CSMD2: variants seen among roughly 807,000 people sequenced by gnomAD.
CSMD2 encodes CUB and sushi domain-containing protein 2.
In CSMD2, 130 loss-of-function variants were observed where a neutral mutation model predicts 398.5. The observed-to-expected ratio is 0.33, with a 90% CI of 0.28 to 0.38. CSMD2 has a LOEUF of 0.38. Among genes scored for constraint, CSMD2 ranks in the 10% least tolerant of loss-of-function variants. The pLI is 1.00. For missense variants in CSMD2, 3,829 were observed against 4,764.9 expected (o/e 0.80, Z 5.78); for synonymous variants, 1,828 against 1,908.5 (o/e 0.96, Z 1.10).
chr1:33,755,494 A>T (rs1648859087), intron 13 of CSMD2, among the ~76,000 whole-genome samples: 1 of 152,142 alleles, frequency 6.6e-6, no homozygotes, highest in South Asian at 2.1e-4. Flanking sequence ...AATACTGAGG[A>T]TGCAGTCTAG....
chr1:34,133,626 G>A (rs1038338688), intron 1 of CSMD2, among the ~76,000 whole-genome samples: 1 of 151,576 alleles, frequency 6.6e-6, no homozygotes, highest in Non-Finnish European at 1.5e-5. Context: ...GCAAGACTCT[G>A]TCCAAAAGAA....
intron 3 of CSMD2, among the ~76,000 whole-genome samples, chr1:34,021,043 G>A (rs1431668276): frequency 6.6e-6 from 1 of 152,170 alleles, no homozygotes; most frequent in Non-Finnish European, 1.5e-5. Flanking sequence ...CTCTCCTGCT[G>A]TTAAAATGAA....
intron 25 of CSMD2, among the ~76,000 whole-genome samples, chr1:33,687,984 C>A (rs919741074): frequency 6.6e-6 from 1 of 152,130 alleles, no homozygotes; most frequent in Non-Finnish European, 1.5e-5. Context: ...AGTGATACTG[C>A]GTGGGGTAGC....
At chr1:34,150,075 CTTTCTTTTTTTTTTGT>C (rs1640151706) in intron 1 of CSMD2, among the ~76,000 whole-genome samples, 2 of 119,624 alleles carry the variant, frequency 1.7e-5, no homozygotes, top group Non-Finnish European at 3.6e-5. Context: ...CATTTTTCTT[CTTTCTTTTTTTTTTGT>C]TTTTTTTTGA....
Position 34,057,588 on chromosome 1 carries a change from C to G in CSMD2, c.405-24882G>C, listed in dbSNP as rs745547839. On this transcript the variant is annotated intron_variant, in intron 2 of 70. Coordinates refer to ENST00000373381, the MANE Select transcript of CSMD2 (RefSeq NM_001281956.2). ...CAGAGAGAGGTGGGCAGAGAGGGTCCAGCTGCCAGACTCAGTCCTCCAGCC... is the reference window on the plus strand; with the variant it reads ...CAGAGAGAGGTGGGCAGAGAGGGTCGAGCTGCCAGACTCAGTCCTCCAGCC... Among the ~76,000 whole-genome samples the G allele has an allele frequency of 7.2e-4, 110 of 152,268 alleles. 1 individual carries two copies. The highest frequency in any genetic ancestry group is 9.6e-4 in the Non-Finnish European group (65 of 68,018).
At position 33,523,384 on chromosome 1, in the gene CSMD2, G is replaced by T; in HGVS notation, c.10432C>A (p.Gln3478Lys). The change falls in exon 67 of 71, where the codon CAG becomes AAG. Residue 3478 changes from glutamine (Q) to lysine (K), a missense_variant. Transcript: ENST00000373381. ...YKKEDFHLLL[Q>K]VYQITGPVEI... ...ACAGGCCCTGTAATCTGGTACACCT[G>T]GAGTAGGAGATGAAAATCTTCTTTC... 6.3e-7 allele frequency: 1 copy of T among 1,578,498 alleles called. No homozygotes were observed. Among genetic ancestry groups the T allele is most frequent in the Non-Finnish European group, 8.7e-7 (1 of 1,149,900 alleles).
intron 1 of CSMD2, among the ~76,000 whole-genome samples, chr1:34,140,502 A>C (rs1475927533): frequency 6.6e-6 from 1 of 152,114 alleles, no homozygotes; most frequent in Non-Finnish European, 1.5e-5. Flanking sequence ...CTCGGATCCC[A>C]CTGTGTTTAG....
At chr1:34,094,183 AAAT>A (rs1353412390) in intron 1 of CSMD2, among the ~76,000 whole-genome samples, 1 of 151,528 alleles carries the variant, frequency 6.6e-6, no homozygotes, top group East Asian at 1.9e-4. Context: ...AGGAGAAATA[AAAT>A]ACTTTACAGA....
At chr1:33,658,249 C>A in intron 26 of CSMD2, 112 bp from the exon 27 acceptor site, 1 of 796,884 alleles carries the variant, frequency 1.3e-6, no homozygotes. Context: ...GCCACAACCA[C>A]CAGAACCTCC....
chr1:33,786,061 T>C (rs985523944), intron 12 of CSMD2, among the ~76,000 whole-genome samples: 3 of 152,228 alleles, frequency 2.0e-5, no homozygotes, highest in African/African-American at 7.2e-5. Context: ...ACTAACTTCC[T>C]GGGATAAATT....
chr1:33,812,026 C>A (rs985048956), intron 9 of CSMD2, among the ~76,000 whole-genome samples: 1 of 152,134 alleles, frequency 6.6e-6, no homozygotes, highest in Non-Finnish European at 1.5e-5. Context: ...ATAAACCTTT[C>A]CCAGGACACC....
intron 13 of CSMD2, among the ~76,000 whole-genome samples, chr1:33,770,721 C>A (rs1651143527): frequency 6.6e-6 from 1 of 152,218 alleles, no homozygotes; most frequent in African/African-American, 2.4e-5. Context: ...AGCTTTCATC[C>A]ATAAGCCTCA....
chr1:33,842,358 T>C (rs970573292), intron 6 of CSMD2, among the ~76,000 whole-genome samples: 1 of 152,226 alleles, frequency 6.6e-6, no homozygotes, highest in African/African-American at 2.4e-5. Flanking sequence ...GCAAAGATCT[T>C]CCTAAAACGA....
chr1:33,845,021 C>T (rs1475460528), intron 6 of CSMD2, among the ~76,000 whole-genome samples: 1 of 152,070 alleles, frequency 6.6e-6, no homozygotes, highest in Non-Finnish European at 1.5e-5. Context: ...ACATTGTACA[C>T]AGTAAATACC....
intron 22 of CSMD2, among the ~76,000 whole-genome samples, chr1:33,705,387 A>G (rs1645741489): frequency 6.6e-6 from 1 of 152,216 alleles, no homozygotes; most frequent in South Asian, 2.1e-4. Context: ...TGCTTTCTAT[A>G]CTTTGACCAT....
chr1:33,986,373 G>C (rs1304354151), intron 3 of CSMD2, among the ~76,000 whole-genome samples: 1 of 152,146 alleles, frequency 6.6e-6, no homozygotes, highest in Admixed American at 6.5e-5. Flanking sequence ...AAGCTAACAC[G>C]TAACATCCTT....
At chr1:33,809,311 C>G (rs1656589136) in intron 10 of CSMD2, among the ~76,000 whole-genome samples, 1 of 151,814 alleles carries the variant, frequency 6.6e-6, no homozygotes, top group South Asian at 2.1e-4. Context: ...AATGACAATA[C>G]TAAATGATCA....
intron 5 of CSMD2, among the ~76,000 whole-genome samples, chr1:33,869,808 C>T (rs1195096429): frequency 6.6e-6 from 1 of 152,164 alleles, no homozygotes; most frequent in Non-Finnish European, 1.5e-5. Context: ...CTCTCCCCAT[C>T]GCCCTAGCTG....
At chr1:33,591,147 T>C (rs558604252) in intron 44 of CSMD2, among the ~76,000 whole-genome samples, 27 of 151,786 alleles carry the variant, frequency 1.8e-4, no homozygotes, top group African/African-American at 6.3e-4. Context: ...CGCCACCACG[T>C]CTGGCTAATT....
Sources: gnomAD v4.1 joint callset for allele counts (sites outside exome capture counted in the v4.1 genomes callset) on GRCh38, gnomAD v4.1.1 for gene constraint, MANE v1.5 for transcripts, NCBI Gene and HGNC (gene_info 2026-07-23, HGNC 2026-07-21) for gene names.